The following CHN1 variants were observed in gnomAD, a reference collection of about 807,000 sequenced individuals.
CHN1 encodes the protein chimerin 1, also known as N-chimaerin.
CHN1 carries 37 observed loss-of-function variants against 59.5 expected under a neutral mutation model. The observed-to-expected ratio is 0.62, with a 90% CI of 0.48 to 0.82. The LOEUF is 0.82. CHN1 is among the 40% of genes least tolerant of loss of function. The pLI, the probability that CHN1 is intolerant of heterozygous loss-of-function variation, is 0.00. For missense variants in CHN1, 469 were observed against 571.0 expected (o/e 0.82, Z 1.82); for synonymous variants, 206 against 200.4 (o/e 1.03, Z -0.24).
At chr2:174,886,642 T>A (rs768154112) in intron 5 of CHN1, among the ~76,000 whole-genome samples, 3 of 152,202 alleles carry the variant, frequency 2.0e-5, no homozygotes, top group Non-Finnish European at 4.4e-5. Flanking sequence ...CATTTCCCAT[T>A]TATTTCCAGC....
At chr2:174,993,001 G>A (rs1252440846) in intron 1 of CHN1, among the ~76,000 whole-genome samples, 1 of 151,882 alleles carries the variant, frequency 6.6e-6, no homozygotes, top group Non-Finnish European at 1.5e-5. Flanking sequence ...CATTGCTCAG[G>A]CTGCTCTTGA....
intron 5 of CHN1, among the ~76,000 whole-genome samples, chr2:174,905,108 G>A (rs1014302387): frequency 3.9e-5 from 6 of 152,052 alleles, no homozygotes; most frequent in Admixed American, 3.3e-4. Flanking sequence ...TTATAAAACT[G>A]TTAAGTCCAT....
chr2:174,985,985 A>C (rs997127152), intron 1 of CHN1, among the ~76,000 whole-genome samples: 5 of 152,154 alleles, frequency 3.3e-5, no homozygotes, highest in African/African-American at 1.2e-4. Context: ...CAATAATCAA[A>C]CTGTTACTTT....
At chr2:174,961,139 A>AGGGAAGGG (rs1690386868) in intron 1 of CHN1, among the ~76,000 whole-genome samples, 1 of 132,618 alleles carries the variant, frequency 7.5e-6, no homozygotes, top group East Asian at 2.7e-4. Context: ...GAAGGGAGGA[A>AGGGAAGGG]GGGAAGGGAG....
At position 174,959,415 on chromosome 2, in the gene CHN1, G is replaced by A. The variant is rs146970155; in HGVS notation, c.20-7213C>T. ...TAGGTGCCACTGTCCTTAGGACTCAGGGGAGGAGGGGACACTGGGAGGGGA... is the reference window on the plus strand; with the variant it reads ...TAGGTGCCACTGTCCTTAGGACTCAAGGGAGGAGGGGACACTGGGAGGGGA... On this transcript the variant is annotated intron_variant, in intron 1 of 12. Transcript: ENST00000409900. Among the ~76,000 whole-genome samples, 1,280 of 152,304 alleles carry A rather than the reference G, an allele frequency of 8.4e-3. 7 individuals are homozygous for A. Among genetic ancestry groups the A allele is most frequent in the South Asian group, 0.021 (101 of 4,822 alleles).
intron 3 of CHN1, among the ~76,000 whole-genome samples, chr2:174,927,130 C>T (rs1226478675): frequency 6.6e-6 from 1 of 152,128 alleles, no homozygotes; most frequent in East Asian, 1.9e-4. Flanking sequence ...ATGATGCCCT[C>T]ACAATCATCT....
At chr2:174,996,680 A>G (rs986448795) in intron 1 of CHN1, among the ~76,000 whole-genome samples, 2 of 152,102 alleles carry the variant, frequency 1.3e-5, no homozygotes, top group African/African-American at 2.4e-5. Context: ...CATCTCACTC[A>G]GTAAAATCTC....
At chr2:174,975,288 G>T (rs1479438247) in intron 1 of CHN1, among the ~76,000 whole-genome samples, 3 of 152,106 alleles carry the variant, frequency 2.0e-5, no homozygotes, top group Non-Finnish European at 4.4e-5. Flanking sequence ...TCATTTCTTA[G>T]ATTTTTTTAA....
At chr2:174,883,909 T>TA (rs966024368) in intron 5 of CHN1, among the ~76,000 whole-genome samples, 89 of 131,962 alleles carry the variant, frequency 6.7e-4, no homozygotes, top group Non-Finnish European at 8.4e-4. Flanking sequence ...GACAAAAAGA[T>TA]AAAAAAAAGG....
intron 5 of CHN1, among the ~76,000 whole-genome samples, chr2:174,893,950 T>C (rs1688131521): frequency 6.6e-6 from 1 of 152,152 alleles, no homozygotes; most frequent in Non-Finnish European, 1.5e-5. Flanking sequence ...GTATACACCA[T>C]GTACAAACAT....
At chr2:174,921,940 C>T (rs1689029988) in intron 3 of CHN1, among the ~76,000 whole-genome samples, 1 of 152,164 alleles carries the variant, frequency 6.6e-6, no homozygotes, top group Admixed American at 6.5e-5. Context: ...ATATCATATA[C>T]TTAAATAATA....
intron 3 of CHN1, among the ~76,000 whole-genome samples, chr2:174,924,687 T>C (rs1301799029): frequency 6.6e-6 from 1 of 152,226 alleles, no homozygotes; most frequent in Non-Finnish European, 1.5e-5. Context: ...TAACAGTACT[T>C]GGATAATTAA....
intron 6 of CHN1, among the ~76,000 whole-genome samples, chr2:174,848,017 A>G (rs894471805): frequency 4.6e-5 from 7 of 152,158 alleles, no homozygotes; most frequent in African/African-American, 1.7e-4. Flanking sequence ...TATTAAAGAC[A>G]AGGAAAAACT....
chr2:174,893,871 A>G (rs1688128403), intron 5 of CHN1, among the ~76,000 whole-genome samples: 1 of 152,184 alleles, frequency 6.6e-6, no homozygotes. Context: ...ACTACACAAC[A>G]GGAAAAGGAT....
intron 5 of CHN1, among the ~76,000 whole-genome samples, chr2:174,892,538 T>C (rs1282116398): frequency 6.6e-6 from 1 of 152,206 alleles, no homozygotes; most frequent in Non-Finnish European, 1.5e-5. Context: ...ATTGTCTATA[T>C]ATTACCCAGT....
At chr2:175,001,936 G>A (rs908052382) in intron 1 of CHN1, among the ~76,000 whole-genome samples, 1 of 152,166 alleles carries the variant, frequency 6.6e-6, no homozygotes, top group Non-Finnish European at 1.5e-5. Context: ...TAGAAAACAT[G>A]TGCTCTCTAC....
chr2:174,900,543 C>G (rs757621608), intron 5 of CHN1, among the ~76,000 whole-genome samples: 1 of 152,156 alleles, frequency 6.6e-6, no homozygotes, highest in Non-Finnish European at 1.5e-5. Flanking sequence ...CAGTGGCTCA[C>G]GCCTGTAATC....
chr2:174,883,965 C>CTTT (rs141023955), intron 5 of CHN1, among the ~76,000 whole-genome samples: 1,367 of 121,456 alleles, frequency 0.011, 21 homozygotes, highest in African/African-American at 0.038. Flanking sequence ...AGTCTAACTT[C>CTTT]TTTTTTTTTT....
chr2:174,943,752 A>G (rs1442166859), intron 3 of CHN1, among the ~76,000 whole-genome samples: 5 of 152,098 alleles, frequency 3.3e-5, no homozygotes, highest in African/African-American at 1.2e-4. Context: ...TATTATCATA[A>G]TTATTTTACC....
Sources: gnomAD v4.1 joint callset for allele counts (sites outside exome capture counted in the v4.1 genomes callset) on GRCh38, gnomAD v4.1.1 for gene constraint, MANE v1.5 for transcripts, NCBI Gene and HGNC (gene_info 2026-07-23, HGNC 2026-07-21) for gene names.